UNC5D: variants seen among roughly 807,000 people sequenced by gnomAD.
UNC5D encodes the protein unc-5 netrin receptor D.
In UNC5D, 39 loss-of-function variants were observed where a neutral mutation model predicts 105.4. The ratio of observed to expected loss-of-function variants is 0.37; its 90% CI spans 0.29 to 0.48. The LOEUF (loss-of-function observed/expected upper bound fraction) is 0.48, where lower values mean the gene tolerates loss of function less well. Among genes scored for constraint, UNC5D ranks in the 20% least tolerant of loss-of-function variants. UNC5D has a pLI of 0.98. For missense variants in UNC5D, 991 were observed against 1,202.4 expected, an observed-to-expected ratio of 0.82 and a Z score of 2.60; for synonymous variants, 452 against 450.4, an observed-to-expected ratio of 1.00 and a Z score of -0.04.
intron 11 of UNC5D, among the ~76,000 whole-genome samples, chr8:35,741,810 G>A (rs1829778247): frequency 6.6e-6 from 1 of 152,058 alleles, no homozygotes; most frequent in Non-Finnish European, 1.5e-5. Flanking sequence ...TTTCTCAAAT[G>A]TTAGTGCCAG....
chr8:35,659,043 C>T (rs1429777354), intron 4 of UNC5D, among the ~76,000 whole-genome samples: 2 of 152,116 alleles, frequency 1.3e-5, no homozygotes, highest in Non-Finnish European at 2.9e-5. Context: ...GATACATCAG[C>T]AATGAGAATA....
chr8:35,636,991 A>G (rs538849485), intron 4 of UNC5D, among the ~76,000 whole-genome samples: 1 of 152,296 alleles, frequency 6.6e-6, no homozygotes, highest in Non-Finnish European at 1.5e-5. Flanking sequence ...TAACTCTAAT[A>G]AACCCTTTCT....
chr8:35,685,742 G>C (rs112920410), intron 6 of UNC5D, among the ~76,000 whole-genome samples: 3 of 152,152 alleles, frequency 2.0e-5, no homozygotes, highest in African/African-American at 7.2e-5. Context: ...AACTCGCCCA[G>C]GATTGCTCAG....
chr8:35,735,069 C>T (rs567160222), intron 11 of UNC5D, among the ~76,000 whole-genome samples: 21 of 152,270 alleles, frequency 1.4e-4, no homozygotes, highest in African/African-American at 4.8e-4. Flanking sequence ...TAAACCACCA[C>T]GTGCCCAGCC....
chr8:35,381,720 G>A (rs556596396), intron 1 of UNC5D, among the ~76,000 whole-genome samples: 1 of 152,246 alleles, frequency 6.6e-6, no homozygotes, highest in South Asian at 2.1e-4. Flanking sequence ...AGACTGCCAA[G>A]CCACTGTGCT....
chr8:35,416,084 G>A (rs923298841), intron 1 of UNC5D, among the ~76,000 whole-genome samples: 4 of 152,054 alleles, frequency 2.6e-5, no homozygotes, highest in Non-Finnish European at 5.9e-5. Context: ...TGAGGTGATG[G>A]ACACCCCATT....
chr8:35,412,135 A>G (rs1272520139), intron 1 of UNC5D, among the ~76,000 whole-genome samples: 1 of 152,056 alleles, frequency 6.6e-6, no homozygotes, highest in African/African-American at 2.4e-5. Flanking sequence ...TCTGCTTTAC[A>G]TCATCTTCAG....
chr8:35,438,345 G>C (rs1384934982), intron 1 of UNC5D, among the ~76,000 whole-genome samples: 1 of 152,002 alleles, frequency 6.6e-6, no homozygotes, highest in Non-Finnish European at 1.5e-5. Context: ...TTTTAAAAAA[G>C]ATTAAGTGAC....
At chr8:35,247,622 AAATATATAT>A (rs1803218195) in intron 1 of UNC5D, among the ~76,000 whole-genome samples, 1 of 85,254 alleles carries the variant, frequency 1.2e-5, no homozygotes, top group South Asian at 3.2e-4. Context: ...ATTATATATA[AAATATATAT>A]AATATATAAA....
intron 4 of UNC5D, among the ~76,000 whole-genome samples, chr8:35,600,685 G>C (rs1819806917): frequency 6.6e-6 from 1 of 152,156 alleles, no homozygotes; most frequent in South Asian, 2.1e-4. Context: ...GTTCATTGTA[G>C]ATTCTGGATA....
intron 4 of UNC5D, among the ~76,000 whole-genome samples, chr8:35,653,529 C>A (rs1236508819): frequency 6.6e-6 from 1 of 152,080 alleles, no homozygotes. Context: ...CTGTGTCAGA[C>A]CTTCTCATTC....
chr8:35,748,791 C>T (rs774013362), intron 12 of UNC5D, 96 bp downstream of exon 12: 172 of 1,400,544 alleles, frequency 1.2e-4, no homozygotes, highest in Non-Finnish European at 1.5e-4. Context: ...ATCAGCATTT[C>T]GTTGTTGGCA....
chr8:35,770,827 T>C (rs1801979863), intron 15 of UNC5D, among the ~76,000 whole-genome samples: 2 of 152,226 alleles, frequency 1.3e-5, no homozygotes, highest in Admixed American at 6.5e-5. Context: ...AGTTGGGGGA[T>C]AATTTGTCTG....
At chr8:35,370,822 A>G (rs1222128418) in intron 1 of UNC5D, among the ~76,000 whole-genome samples, 1 of 152,222 alleles carries the variant, frequency 6.6e-6, no homozygotes, top group Admixed American at 6.5e-5. Context: ...AATTGGTAAA[A>G]CAATGTAGTC....
intron 1 of UNC5D, among the ~76,000 whole-genome samples, chr8:35,346,284 G>A (rs537528814): frequency 2.6e-5 from 4 of 151,968 alleles, no homozygotes; most frequent in Non-Finnish European, 4.4e-5. Context: ...ATAATGACTA[G>A]TATATATTTA....
intron 16 of UNC5D, among the ~76,000 whole-genome samples, chr8:35,789,056 A>C (rs1802885884): frequency 6.7e-6 from 1 of 148,474 alleles, no homozygotes; most frequent in Admixed American, 6.8e-5. Flanking sequence ...TGAATGGATT[A>C]AATTAAAGCA....
chr8:35,358,784 C>G (rs1253045382), intron 1 of UNC5D, among the ~76,000 whole-genome samples: 1 of 152,098 alleles, frequency 6.6e-6, no homozygotes, highest in African/African-American at 2.4e-5. Flanking sequence ...CTGAGATACA[C>G]AATTATGTCC....
chr8:35,279,157 G>A (rs559019865), intron 1 of UNC5D, among the ~76,000 whole-genome samples: 4 of 152,300 alleles, frequency 2.6e-5, no homozygotes, highest in African/African-American at 9.6e-5. Flanking sequence ...GGAGTATGCT[G>A]AATTCTAATG....
At chr8:35,705,529 A>G (rs1793298839) in intron 7 of UNC5D, among the ~76,000 whole-genome samples, 1 of 152,138 alleles carries the variant, frequency 6.6e-6, no homozygotes, top group South Asian at 2.1e-4. Flanking sequence ...CCCTTTAAAT[A>G]TTTATTTGCT....
Sources: allele counts gnomAD v4.1 joint callset (sites outside exome capture counted in the v4.1 genomes callset), GRCh38; gene constraint gnomAD v4.1.1; transcripts MANE v1.5; gene names NCBI Gene and HGNC (gene_info 2026-07-23, HGNC 2026-07-21).